Variants in ITPR2 observed in about 807,000 individuals in gnomAD.
ITPR2 encodes inositol 1,4,5-trisphosphate-gated calcium channel ITPR2.
Under a neutral mutation model 317.1 loss-of-function variants are expected in ITPR2, and 207 were observed. The observed-to-expected ratio is 0.65, with a 90% CI of 0.58 to 0.73. The LOEUF is 0.73. Ranked by LOEUF, ITPR2 falls within the 30% of genes least tolerant of loss-of-function variation. The probability of loss-of-function intolerance (pLI) is 0.00; values close to 1 mark genes in which losing one functional copy is unlikely to be tolerated. For missense variants in ITPR2, 2,613 were observed against 3,284.0 expected, an observed-to-expected ratio of 0.80 and a Z score of 4.99; for synonymous variants, 1,156 against 1,149.1, an observed-to-expected ratio of 1.01 and a Z score of -0.12.
intron 21 of ITPR2, among the ~76,000 whole-genome samples, chr12:26,651,929 C>A (rs1336995318): frequency 6.6e-6 from 1 of 152,166 alleles, no homozygotes; most frequent in African/African-American, 2.4e-5. Context: ...CCAAAAGACT[C>A]GAAGGGGTGC....
rs752953884 is a variant in ITPR2 at position 26,411,458 on chromosome 12, A to G, written c.7307-46T>C. The G allele has an allele frequency of 2.3e-6, 3 of 1,325,242 alleles. No homozygotes were observed. The Admixed American group carries it at 5.2e-5, about 23-fold the overall frequency. 82.1% of individuals were successfully genotyped at this position (1,325,242 alleles called of 1,614,324 possible). ...ATATAATATAGAGTCAAATATGCACATGATGAAAACTGAACCTACAGTTCT... is the reference window on the plus strand; with the variant it reads ...ATATAATATAGAGTCAAATATGCACGTGATGAAAACTGAACCTACAGTTCT... On this transcript the variant is annotated intron_variant, in intron 51 of 56. Transcript: ENST00000381340.
chr12:26,798,120 T>C (rs1950486306), intron 1 of ITPR2, among the ~76,000 whole-genome samples: 1 of 152,130 alleles, frequency 6.6e-6, no homozygotes, highest in African/African-American at 2.4e-5. Context: ...TCACCTAAAC[T>C]GTCCCTCCAC....
At chr12:26,678,464 C>A (rs1194715584) in intron 13 of ITPR2, among the ~76,000 whole-genome samples, 1 of 151,672 alleles carries the variant, frequency 6.6e-6, no homozygotes, top group East Asian at 1.9e-4. Flanking sequence ...CTTTTTGAGA[C>A]AGATAATAAT....
chr12:26,373,239 T>C (rs1939239446), intron 55 of ITPR2, among the ~76,000 whole-genome samples: 1 of 152,204 alleles, frequency 6.6e-6, no homozygotes, highest in South Asian at 2.1e-4. Context: ...TTTAGAGTTA[T>C]CAGAATTTTA....
intron 2 of ITPR2, among the ~76,000 whole-genome samples, chr12:26,755,064 G>A (rs1212845175): frequency 1.3e-5 from 2 of 152,146 alleles, no homozygotes; most frequent in African/African-American, 4.8e-5. Context: ...TTGCATAAAT[G>A]TGTTTTTGGT....
chr12:26,802,072 A>G (rs1184421320), intron 1 of ITPR2, among the ~76,000 whole-genome samples: 2 of 152,104 alleles, frequency 1.3e-5, no homozygotes, highest in African/African-American at 4.8e-5. Context: ...AGGTGAGGTG[A>G]GAGGATCACT....
intron 23 of ITPR2, among the ~76,000 whole-genome samples, chr12:26,625,254 A>G (rs571104385): frequency 6.6e-6 from 1 of 152,322 alleles, no homozygotes; most frequent in Admixed American, 6.5e-5. Flanking sequence ...GTATGACAGA[A>G]TGAGTAAGAT....
chr12:26,614,917 A>C (rs899662257), intron 26 of ITPR2, among the ~76,000 whole-genome samples: 7 of 152,250 alleles, frequency 4.6e-5, no homozygotes, highest in African/African-American at 1.7e-4. Context: ...ATAGTTAAAC[A>C]ACATAAAGAA....
chr12:26,493,176 T>A (rs1942850660), intron 39 of ITPR2, among the ~76,000 whole-genome samples: 1 of 152,142 alleles, frequency 6.6e-6, no homozygotes, highest in African/African-American at 2.4e-5. Context: ...TAAGTACTAT[T>A]GATTTAGCGT....
chr12:26,394,851 A>G (rs939843349), intron 54 of ITPR2, among the ~76,000 whole-genome samples: 1 of 152,190 alleles, frequency 6.6e-6, no homozygotes, highest in African/African-American at 2.4e-5. Flanking sequence ...TCATTAGCGC[A>G]TGGTAGCTAG....
At chr12:26,762,130 C>A (rs555681441) in intron 2 of ITPR2, among the ~76,000 whole-genome samples, 5 of 152,072 alleles carry the variant, frequency 3.3e-5, no homozygotes, top group East Asian at 3.9e-4. Flanking sequence ...ATAGGAATTA[C>A]GGGGTCCCAG....
intron 37 of ITPR2, among the ~76,000 whole-genome samples, chr12:26,523,499 A>G (rs1162999866): frequency 6.6e-6 from 1 of 151,490 alleles, no homozygotes; most frequent in Admixed American, 6.6e-5. Flanking sequence ...TTTTAAGCAG[A>G]TTCTCAAAAA....
chr12:26,526,152 G>A (rs1368035640), intron 37 of ITPR2, among the ~76,000 whole-genome samples: 1 of 152,180 alleles, frequency 6.6e-6, no homozygotes, highest in Non-Finnish European at 1.5e-5. Flanking sequence ...ACTGCAGCTA[G>A]AGTAATAATA....
chr12:26,461,025 T>C (rs1942006312), intron 45 of ITPR2, among the ~76,000 whole-genome samples: 1 of 152,186 alleles, frequency 6.6e-6, no homozygotes, highest in African/African-American at 2.4e-5. Flanking sequence ...GCTCTGTCAA[T>C]TGGTTAGTCA....
intron 52 of ITPR2, among the ~76,000 whole-genome samples, chr12:26,409,947 A>G (rs1940487730): frequency 6.6e-6 from 1 of 152,202 alleles, no homozygotes; most frequent in African/African-American, 2.4e-5. Context: ...TCCTAATTAT[A>G]TGAGAACAGG....
chr12:26,795,659 T>C (rs999697156), intron 1 of ITPR2, among the ~76,000 whole-genome samples: 4 of 152,182 alleles, frequency 2.6e-5, no homozygotes, highest in African/African-American at 9.6e-5. Flanking sequence ...GCCACTGCTA[T>C]GCTTGTGCAT....
intron 41 of ITPR2, 72 bp downstream of exon 41, chr12:26,486,032 G>T (rs766094005): frequency 2.1e-5 from 32 of 1,514,766 alleles, no homozygotes; most frequent in Non-Finnish European, 2.7e-5. Context: ...ACTACTTGTT[G>T]GTTTTATTTG....
At chr12:26,650,446 T>G (rs1258673048) in intron 21 of ITPR2, among the ~76,000 whole-genome samples, 2 of 152,242 alleles carry the variant, frequency 1.3e-5, no homozygotes, top group East Asian at 1.9e-4. Context: ...CGATGAACTT[T>G]GGGAATAATG....
intron 2 of ITPR2, among the ~76,000 whole-genome samples, chr12:26,782,985 C>T (rs1374115007): frequency 6.6e-6 from 1 of 152,214 alleles, no homozygotes; most frequent in African/African-American, 2.4e-5. Context: ...AACTGCCTAG[C>T]AAGAACACAC....
Sources: gnomAD v4.1 joint callset for allele counts (sites outside exome capture counted in the v4.1 genomes callset) on GRCh38, gnomAD v4.1.1 for gene constraint, MANE v1.5 for transcripts, NCBI Gene and HGNC (gene_info 2026-07-23, HGNC 2026-07-21) for gene names.